Variants in MAN2B2 observed in about 807,000 individuals in gnomAD.
MAN2B2 encodes mannosidase alpha class 2B member 2.
Under a neutral mutation model 117.1 loss-of-function variants are expected in MAN2B2, and 106 were observed. The ratio of observed to expected loss-of-function variants is 0.90; its 90% CI spans 0.77 to 1.06. The LOEUF (loss-of-function observed/expected upper bound fraction) is 1.06. MAN2B2 is among the 50% of genes least tolerant of loss of function. MAN2B2 has a pLI of 0.00. For missense variants in MAN2B2, 1,326 were observed against 1,381.4 expected (o/e 0.96, Z 0.64); for synonymous variants, 544 against 595.1 (o/e 0.91, Z 1.25).
intron 11 of MAN2B2, among the ~76,000 whole-genome samples, chr4:6,607,095 G>A (rs976741566): frequency 3.9e-5 from 6 of 152,116 alleles, no homozygotes; most frequent in Admixed American, 6.5e-5. Context: ...ACTCCCCCAC[G>A]GGCCCTGGCA....
intron 16 of MAN2B2, among the ~76,000 whole-genome samples, chr4:6,615,807 AT>A (rs570433646): frequency 0.038 from 5,649 of 149,704 alleles, 182 homozygotes; most frequent in African/African-American, 0.083. Flanking sequence ...CTCTAAAAAA[AT>A]TTTTTTTTTC....
intron 10 of MAN2B2, among the ~76,000 whole-genome samples, chr4:6,601,920 T>C (rs571611631): frequency 2.0e-5 from 3 of 152,286 alleles, no homozygotes; most frequent in South Asian, 2.1e-4. Context: ...TCTGCCCTTG[T>C]AGGAAGACAT....
Position 6,597,292 on chromosome 4 carries a change from G to T in MAN2B2, c.1237G>T (p.Ala413Ser). 1 of 1,551,170 alleles carries T rather than the reference G, an allele frequency of 6.4e-7. No homozygotes were observed. Among genetic ancestry groups the T allele is most frequent in the Non-Finnish European group, 8.7e-7 (1 of 1,148,198 alleles). ...ALQQLQQLRW[A>S]VSEVQHHDAI... ...GCAGCAGCTCCAGCAGCTTCGCTGG[G>T]CCGTCTCCGAGGTAACACCACATTT... The change falls in exon 8 of 19, where the codon GCC (alanine) becomes TCC (serine). Residue 413 changes from alanine (A) to serine (S), a missense_variant. By Grantham distance (99) the Ala-to-Ser change is moderately conservative (BLOSUM62 1). Coordinates refer to ENST00000285599, the MANE Select transcript of MAN2B2 (RefSeq NM_015274.3).
chr4:6,580,764 G>A (rs1726394600), intron 3 of MAN2B2, among the ~76,000 whole-genome samples: 1 of 152,182 alleles, frequency 6.6e-6, no homozygotes, highest in African/African-American at 2.4e-5. Context: ...GGGCAAGGCT[G>A]GGCAAGGGGT....
intron 3 of MAN2B2, among the ~76,000 whole-genome samples, chr4:6,579,313 C>CCACCAT (rs1726304474): frequency 7.0e-5 from 5 of 70,994 alleles, no homozygotes; most frequent in South Asian, 6.4e-4. Flanking sequence ...ACCACCACCA[C>CCACCAT]CACCATCACC....
intron 3 of MAN2B2, among the ~76,000 whole-genome samples, chr4:6,579,319 TCACCACCACCAC>T (rs748293245): frequency 5.2e-4 from 9 of 17,382 alleles, no homozygotes; most frequent in South Asian, 2.7e-3. Context: ...ACCACCACCA[TCACCACCACCAC>T]CACCACCACC....
Position 6,575,366 on chromosome 4 carries a change from C to A in MAN2B2, c.138+18C>A. ...CTGTGCAGGTAGGTGCCGACCACGC[C>A]CCGCGCGCCCCTGAGGCTGCAGCTT... is the stretch of plus-strand genomic sequence containing the variant. On this transcript the variant is annotated intron_variant, in intron 1 of 18. Coordinates refer to ENST00000285599, the MANE Select transcript of MAN2B2 (RefSeq NM_015274.3). 1 of 1,486,580 alleles carries A rather than the reference C, an allele frequency of 6.7e-7. No individual in the cohort carries two copies. Among genetic ancestry groups the A allele is most frequent in the Non-Finnish European group, 9.0e-7 (1 of 1,113,604 alleles). The allele number at this position is 1,486,580 out of a possible 1,614,324, so 92.1% of individuals were successfully genotyped here.
chr4:6,601,304 G>T (rs982084322), intron 10 of MAN2B2, among the ~76,000 whole-genome samples: 1 of 152,186 alleles, frequency 6.6e-6, no homozygotes, highest in East Asian at 1.9e-4. Context: ...AGGAGTTCGA[G>T]ACCATCCTGG....
Position 6,622,946 on chromosome 4 carries a change from T to G in MAN2B2, c.*1661T>G, listed in dbSNP as rs115706241. On this transcript the variant is annotated 3_prime_UTR_variant, in exon 19 of 19. Coordinates refer to ENST00000285599, the MANE Select transcript of MAN2B2 (RefSeq NM_015274.3). Reference sequence around the variant, plus strand: ...CAAGCAATAGGCCACCCCTGTGAGGTGGGGTCAGGTGAGCAGCCACCAGAG... The same window carrying G: ...CAAGCAATAGGCCACCCCTGTGAGGGGGGGTCAGGTGAGCAGCCACCAGAG... The G allele has an allele frequency of 0.013, 2,038 of 151,438 alleles. 110 individuals are homozygous for G. The highest frequency in any genetic ancestry group is 0.047 in the African/African-American group (1,932 of 40,748). 9.4% of individuals were successfully genotyped at this position (151,438 alleles called of 1,614,324 possible).
At position 6,587,019 on chromosome 4, in the gene MAN2B2, AC is replaced by A. The variant is rs1357749647; in HGVS notation, c.416del (p.Thr139AsnfsTer42). 10 of 1,613,720 alleles carry A rather than the reference AC, an allele frequency of 6.2e-6. No individual in the cohort carries two copies. The highest frequency in any genetic ancestry group is 6.8e-6 in the Non-Finnish European group (8 of 1,179,944). On this transcript the variant is annotated frameshift_variant, in exon 4 of 19. Coordinates refer to ENST00000285599, the MANE Select transcript of MAN2B2 (RefSeq NM_015274.3). LOFTEE classifies it high-confidence loss of function. ...LTEGHGFLYE[T>X]FGIRPQFSWH... Reference sequence around the variant, plus strand: ...AGAAGGACACGGGTTTCTCTATGAAACATTTGGGATCCGGCCACAGTTCTCC... The same window carrying A: ...AGAAGGACACGGGTTTCTCTATGAAAATTTGGGATCCGGCCACAGTTCTCC...
At chr4:6,578,664 A>G (rs1323531572) in intron 3 of MAN2B2, among the ~76,000 whole-genome samples, 166 bp downstream of exon 3, 1 of 152,106 alleles carries the variant, frequency 6.6e-6, no homozygotes, top group African/African-American at 2.4e-5. Flanking sequence ...ATGCCTCACC[A>G]AGGAAGTTGA....
At chr4:6,595,902 G>A (rs577964461) in intron 7 of MAN2B2, among the ~76,000 whole-genome samples, 18 of 152,298 alleles carry the variant, frequency 1.2e-4, no homozygotes, top group Middle Eastern at 3.4e-3. Flanking sequence ...CATAGTCCCC[G>A]GCTCCTGCTG....
chr4:6,614,476 G>C, intron 16 of MAN2B2, 121 bp downstream of exon 16: 1 of 1,223,170 alleles, frequency 8.2e-7, no homozygotes, highest in Non-Finnish European at 1.1e-6. Flanking sequence ...AGGTCACCTG[G>C]TTTCTTATCT....
At chr4:6,582,911 G>T (rs1333201756) in intron 3 of MAN2B2, among the ~76,000 whole-genome samples, 1 of 152,078 alleles carries the variant, frequency 6.6e-6, no homozygotes, top group Non-Finnish European at 1.5e-5. Context: ...TACTGGTGAG[G>T]ATACTGGTTC....
chr4:6,579,331 CCACCACCA>C (rs1726310354), intron 3 of MAN2B2, among the ~76,000 whole-genome samples: 2 of 84,744 alleles, frequency 2.4e-5, no homozygotes, highest in African/African-American at 4.6e-5. Context: ...ACCACCACCA[CCACCACCA>C]CCATCACCAT....
rs781749010 is a variant in MAN2B2 at position 6,597,294 on chromosome 4, C to T, written c.1239C>T (p.Ala413=). The part of the protein sequence containing the change: ...ALQQLQQLRW[A]VSEVQHHDAI... ...AGCAGCTCCAGCAGCTTCGCTGGGC[C>T]GTCTCCGAGGTAACACCACATTTAG... is the stretch of plus-strand genomic sequence containing the variant. Residue 413 remains alanine, a synonymous_variant, in exon 8 of 19, where the codon GCC becomes GCT. Transcript: ENST00000285599. 1.9e-5 allele frequency: 29 copies of T among 1,547,176 alleles called. No individual in the cohort carries two copies. Among genetic ancestry groups the T allele is most frequent in the Admixed American group, 7.9e-5 (4 of 50,898 alleles).
In MAN2B2 at chr4:6,598,230, G is replaced by A. The variant is rs756616905; in HGVS notation, c.1281G>A (p.Glu427=). The change falls in exon 9 of 19, where the codon GAG becomes GAA. Residue 427 remains glutamate (E), a synonymous_variant. Transcript: ENST00000285599. ...ACCATGATGCCATCACTGGGACTGA[G>A]TCCCCCAAGGTGAGAGACATGTACG... The part of the protein sequence containing the change: ...VQHHDAITGT[E]SPKVRDMYAT... The A allele has an allele frequency of 6.2e-7, 1 of 1,613,752 alleles. No homozygotes were observed. The highest frequency in any genetic ancestry group is 8.5e-7 in the Non-Finnish European group (1 of 1,180,028).
At position 6,576,645 on chromosome 4, in the gene MAN2B2, A is replaced by G. The variant is rs2108854778; in HGVS notation, c.206A>G (p.Gln69Arg). 1.2e-6 allele frequency: 2 copies of G among 1,613,858 alleles called. No individual in the cohort carries two copies. Among genetic ancestry groups the G allele is most frequent in the Non-Finnish European group, 1.7e-6 (2 of 1,179,928 alleles). The change falls in exon 2 of 19, where the codon CAG (glutamine) becomes CGG (arginine). Residue 69 changes from glutamine to arginine, a missense_variant. Physicochemically the swap from Gln to Arg is conservative, Grantham distance 43. Transcript: ENST00000285599. ...SVVEELARGQ[Q>R]RRFIAVEQEF... ...GTGGAAGAGCTGGCCCGCGGCCAGC[A>G]GCGCCGGTTCATCGCTGTGGAGCAG...
intron 2 of MAN2B2, among the ~76,000 whole-genome samples, chr4:6,577,574 T>C (rs1287703852): frequency 6.6e-6 from 1 of 152,218 alleles, no homozygotes; most frequent in East Asian, 1.9e-4. Context: ...TAAAGAGACA[T>C]TCCAGGTTCA....
Sources: allele counts gnomAD v4.1 joint callset (sites outside exome capture counted in the v4.1 genomes callset), GRCh38; gene constraint gnomAD v4.1.1; transcripts MANE v1.5; gene names NCBI Gene and HGNC (gene_info 2026-07-23, HGNC 2026-07-21).